ATG7: variants seen among roughly 807,000 people sequenced by gnomAD.
The protein encoded by ATG7 is ubiquitin-like modifier-activating enzyme ATG7.
In ATG7, 70 loss-of-function variants were observed where a neutral mutation model predicts 82.4. The observed-to-expected ratio is 0.85, with a 90% confidence interval of 0.70 to 1.04. ATG7 has a LOEUF of 1.04. Ranked by LOEUF, ATG7 falls within the 50% of genes least tolerant of loss-of-function variation. The pLI, the probability that ATG7 is intolerant of heterozygous loss-of-function variation, is 0.00. For missense variants in ATG7, 792 were observed against 864.3 expected (o/e 0.92, Z 1.05); for synonymous variants, 287 against 313.0 (o/e 0.92, Z 0.88).
chr3:11,378,706 A>AAAAAAAAAAAAAAAC (rs1559501467), intron 18 of ATG7, among the ~76,000 whole-genome samples: 1 of 149,988 alleles, frequency 6.7e-6, no homozygotes, highest in African/African-American at 2.5e-5. Context: ...AAAAAAAAAA[A>AAAAAAAAAAAAAAAC]AAATTGCTGT....
At chr3:11,511,893 C>G in intron 20 of ATG7, among the ~76,000 whole-genome samples, 1 of 152,074 alleles carries the variant, frequency 6.6e-6, no homozygotes, top group Admixed American at 6.5e-5. Context: ...GCTCCGAATG[C>G]GGGGCCCACC....
chr3:11,346,846 T>A (rs1954626518), intron 13 of ATG7, among the ~76,000 whole-genome samples: 1 of 152,248 alleles, frequency 6.6e-6, no homozygotes, highest in South Asian at 2.1e-4. Flanking sequence ...AAACAGTCAG[T>A]CTAACCTATG....
Position 11,299,412 on chromosome 3 carries a change from G to A in ATG7, c.211G>A (p.Asp71Asn). 1 of 1,609,228 alleles carries A rather than the reference G, an allele frequency of 6.2e-7. No homozygotes were observed. Among genetic ancestry groups the A allele is most frequent in the Non-Finnish European group, 8.5e-7 (1 of 1,175,582 alleles). ...ARLTLEFSAF[D>N]MSAPTPARCC... ...CTTAACATTGGAGTTCAGTGCTTTT[G>A]ACATGTGAGTATTTATTTGTTCAAA... The change falls in exon 5 of 21, where the codon GAC becomes AAC. Residue 71 changes from aspartate to asparagine, a missense_variant. Coordinates refer to ENST00000693202, the MANE Select transcript of ATG7 (RefSeq NM_001349232.2).
chr3:11,538,690 AAAAAAAAAAAAAAAAAT>A (rs2070544195), intron 20 of ATG7, among the ~76,000 whole-genome samples: 2 of 141,076 alleles, frequency 1.4e-5, no homozygotes, highest in African/African-American at 5.4e-5. Context: ...AAAAAAAAAA[AAAAAAAAAAAAAAAAAT>A]TAGCCAAAAA....
chr3:11,361,306 A>G (rs1195303696), intron 16 of ATG7, among the ~76,000 whole-genome samples: 1 of 147,910 alleles, frequency 6.8e-6, no homozygotes, highest in African/African-American at 2.5e-5. Context: ...TTTTTTTGAG[A>G]CAGAGTTTCG....
At chr3:11,431,848 CTTTATAT>C (rs889955829) in intron 20 of ATG7, among the ~76,000 whole-genome samples, 1 of 152,092 alleles carries the variant, frequency 6.6e-6, no homozygotes, top group Admixed American at 6.5e-5. Flanking sequence ...CTACAAATTC[CTTTATAT>C]TTATATAGAA....
In ATG7 at chr3:11,554,924, A is replaced by AG; in HGVS notation, c.*83dup. ...TCGCCAGAGCAGGACTGCTGACCCCAGGCCTGGTGATTCTGGGCCCCTCCT... is the reference window on the plus strand; with the variant it reads ...TCGCCAGAGCAGGACTGCTGACCCCAGGGCCTGGTGATTCTGGGCCCCTCCT... On this transcript the variant is annotated 3_prime_UTR_variant, in exon 21 of 21. Coordinates refer to ENST00000693202, the MANE Select transcript of ATG7 (RefSeq NM_001349232.2). The AG allele has an allele frequency of 6.5e-7, 1 of 1,533,120 alleles. No homozygotes were observed. The highest frequency in any genetic ancestry group is 8.8e-7 in the Non-Finnish European group (1 of 1,133,228). The allele number at this position is 1,533,120 out of a possible 1,614,324, so 95.0% of individuals were successfully genotyped here. A position where few individuals can be genotyped will look rare whatever the true frequency, so the allele number is the denominator to read the frequency against.
At chr3:11,456,769 C>T (rs1331961364) in intron 20 of ATG7, among the ~76,000 whole-genome samples, 1 of 152,154 alleles carries the variant, frequency 6.6e-6, no homozygotes, top group Non-Finnish European at 1.5e-5. Flanking sequence ...TTTTTTTCCT[C>T]TCTTTCTACT....
intron 20 of ATG7, among the ~76,000 whole-genome samples, chr3:11,459,553 A>G (rs2086107224): frequency 6.6e-6 from 1 of 152,092 alleles, no homozygotes; most frequent in South Asian, 2.1e-4. Context: ...GAGCTTCCAA[A>G]ATTCAACATG....
intron 9 of ATG7, among the ~76,000 whole-genome samples, chr3:11,316,262 C>A (rs1426521931): frequency 6.6e-6 from 1 of 152,178 alleles, no homozygotes. Context: ...TTCCTTCTGG[C>A]TCCAAGCTGC....
chr3:11,397,209 A>G (rs1292502273), intron 19 of ATG7, among the ~76,000 whole-genome samples: 1 of 152,184 alleles, frequency 6.6e-6, no homozygotes, highest in Non-Finnish European at 1.5e-5. Context: ...TGAAAATAAG[A>G]TATAAGAACA....
intron 19 of ATG7, among the ~76,000 whole-genome samples, chr3:11,395,398 A>G (rs902079838): frequency 1.6e-4 from 25 of 152,212 alleles, no homozygotes; most frequent in Non-Finnish European, 4.4e-5. Context: ...AAGCCCAACA[A>G]ATTTATAACA....
At chr3:11,457,346 G>C (rs751566200) in intron 20 of ATG7, among the ~76,000 whole-genome samples, 1 of 152,130 alleles carries the variant, frequency 6.6e-6, no homozygotes, top group Non-Finnish European at 1.5e-5. Flanking sequence ...GGCAACTCTG[G>C]CTTTTGATTC....
At chr3:11,505,710 C>T (rs1487406410) in intron 20 of ATG7, among the ~76,000 whole-genome samples, 2 of 152,168 alleles carry the variant, frequency 1.3e-5, no homozygotes, top group Non-Finnish European at 2.9e-5. Context: ...TCTGCAAGTC[C>T]CTAAACCCTA....
intron 20 of ATG7, among the ~76,000 whole-genome samples, chr3:11,501,078 A>G (rs778111875): frequency 2.6e-5 from 4 of 152,152 alleles, no homozygotes; most frequent in Non-Finnish European, 4.4e-5. Context: ...AACATAGCAA[A>G]ATGCTGTCTC....
At position 11,309,124 on chromosome 3, in the gene ATG7, C is replaced by G. The variant is rs1277835167; in HGVS notation, c.411+63C>G. On this transcript the variant is annotated intron_variant, in intron 7 of 20. Transcript: ENST00000693202. The stretch of plus-strand genomic sequence containing the variant: ...AAATCCCCTGGCTTAGCCCAGTGTA[C>G]CAGTAGAACAGTCTGCTCTTCTCTC... 2.1e-6 allele frequency: 3 copies of G among 1,426,796 alleles called. No homozygotes were observed. The East Asian group carries it at 6.8e-5, about 32-fold the overall frequency. The allele number at this position is 1,426,796 out of a possible 1,614,324, so 88.4% of individuals were successfully genotyped here.
In ATG7 at chr3:11,358,570, G is replaced by T. The variant is rs2076083628; in HGVS notation, c.1437G>T (p.Glu479Asp). 1 of 1,613,836 alleles carries T rather than the reference G, an allele frequency of 6.2e-7. No homozygotes were observed. The highest frequency in any genetic ancestry group is 1.1e-5 in the South Asian group (1 of 91,064). Residue 479 changes from glutamate (E) to aspartate (D), a missense_variant, in exon 15 of 21, where the codon GAG becomes GAT. Transcript: ENST00000693202. ...DVVFLLMDTR[E>D]SRWLPAVIAA... is the part of the protein sequence containing the mutation. ...TCTTCCTATTGATGGACACCAGGGAGAGCCGGTGGCTTCCTGCCGTCATTG... is the reference window on the plus strand; with the variant it reads ...TCTTCCTATTGATGGACACCAGGGATAGCCGGTGGCTTCCTGCCGTCATTG...
intron 3 of ATG7, among the ~76,000 whole-genome samples, chr3:11,286,583 C>CTTTTTTTT (rs5846700): frequency 1.9e-3 from 125 of 66,966 alleles, no homozygotes; most frequent in Non-Finnish European, 2.2e-3. Flanking sequence ...TTCTTTCTTT[C>CTTTTTTTT]TTTTTTTTTT....
intron 20 of ATG7, among the ~76,000 whole-genome samples, chr3:11,452,640 C>T (rs1379820925): frequency 6.6e-6 from 1 of 151,980 alleles, no homozygotes; most frequent in African/African-American, 2.4e-5. Context: ...GAATGGAAAA[C>T]CAGTTAACAT....
Sources: gnomAD v4.1 joint callset for allele counts (sites outside exome capture counted in the v4.1 genomes callset) on GRCh38, gnomAD v4.1.1 for gene constraint, MANE v1.5 for transcripts, NCBI Gene and HGNC (gene_info 2026-07-23, HGNC 2026-07-21) for gene names.